Variants in UST observed in about 807,000 individuals in gnomAD.
The protein encoded by UST is uronyl 2-sulfotransferase, also known as chondroitin sulfate 2-O-sulfotransferase.
Under a neutral mutation model 45.6 loss-of-function variants are expected in UST, and 21 were observed. That is an observed-to-expected ratio of 0.46 (90% CI 0.33 to 0.66). The LOEUF is 0.66. Ranked by LOEUF, UST falls within the 30% of genes least tolerant of loss-of-function variation. The pLI is 0.02. For synonymous variants in UST, 215 were observed against 200.6 expected, an observed-to-expected ratio of 1.07 and a Z score of -0.61; for missense variants, 463 against 512.4, an observed-to-expected ratio of 0.90 and a Z score of 0.93.
intron 1 of UST, among the ~76,000 whole-genome samples, chr6:148,825,301 G>A (rs1432537310): frequency 3.3e-5 from 5 of 152,180 alleles, no homozygotes; most frequent in Non-Finnish European, 7.3e-5. Context: ...TGGGCAGGCT[G>A]TATTTAAATT....
chr6:149,004,563 C>T (rs1464361784), intron 5 of UST, among the ~76,000 whole-genome samples: 3 of 152,174 alleles, frequency 2.0e-5, no homozygotes, highest in Non-Finnish European at 2.9e-5. Flanking sequence ...CGCTAATAAC[C>T]GGACCTGGTG....
chr6:148,844,502 T>G (rs1280200255), intron 1 of UST, among the ~76,000 whole-genome samples: 3 of 152,194 alleles, frequency 2.0e-5, no homozygotes, highest in Non-Finnish European at 4.4e-5. Context: ...TAACCGTTGA[T>G]CCAGTCAAGA....
At chr6:148,815,194 G>A (rs894741215) in intron 1 of UST, among the ~76,000 whole-genome samples, 6 of 152,142 alleles carry the variant, frequency 3.9e-5, no homozygotes, top group Non-Finnish European at 7.3e-5. Context: ...TTAAAGAAAA[G>A]GAAAGAGGGA....
intron 7 of UST, among the ~76,000 whole-genome samples, chr6:149,069,041 G>A: frequency 6.6e-6 from 1 of 152,128 alleles, no homozygotes; most frequent in Non-Finnish European, 1.5e-5. Context: ...ATGACCTCCA[G>A]TTCCATCCAT....
chr6:148,941,022 TAATC>T lies in UST; in HGVS notation c.292-252_292-249del, dbSNP rs200555069. Among the ~76,000 whole-genome samples the T allele has an allele frequency of 1.5e-4, 23 of 152,344 alleles. No homozygotes were observed. The East Asian group carries it at 4.4e-3, about 29-fold the overall frequency. ...TTAAAAAGAAACAAAACAAGTTTGA[TAATC>T]AATCTTAGAGACTGCCTGAAATTTC... On this transcript the variant is annotated intron_variant, in intron 2 of 7. Transcript: ENST00000367463.
chr6:148,816,765 T>A (rs1777363529), intron 1 of UST, among the ~76,000 whole-genome samples: 1 of 152,034 alleles, frequency 6.6e-6, no homozygotes. Flanking sequence ...AACATTTATT[T>A]CCTTTTTTTG....
chr6:148,812,672 A>G (rs1323665035), intron 1 of UST, among the ~76,000 whole-genome samples: 3 of 152,236 alleles, frequency 2.0e-5, no homozygotes, highest in Admixed American at 6.5e-5. Context: ...ATGACATGGT[A>G]GCTGACTTCC....
chr6:148,948,784 A>C (rs1780297110), intron 3 of UST, among the ~76,000 whole-genome samples: 1 of 152,138 alleles, frequency 6.6e-6, no homozygotes, highest in Non-Finnish European at 1.5e-5. Flanking sequence ...TTTTGTGCTA[A>C]CCAATCTGTT....
chr6:148,777,967 C>G (rs2114684174), intron 1 of UST, among the ~76,000 whole-genome samples: 1 of 152,298 alleles, frequency 6.6e-6, no homozygotes, highest in South Asian at 2.1e-4. Context: ...GCTATACCAT[C>G]TAGCCTAGGT....
chr6:149,016,089 A>G (rs1175827043), intron 5 of UST, among the ~76,000 whole-genome samples: 3 of 152,188 alleles, frequency 2.0e-5, no homozygotes, highest in Non-Finnish European at 4.4e-5. Flanking sequence ...CTTCCGGTCC[A>G]GTCATCTTTA....
At chr6:149,060,134 A>C (rs969170766) in intron 7 of UST, among the ~76,000 whole-genome samples, 3 of 152,158 alleles carry the variant, frequency 2.0e-5, no homozygotes, top group African/African-American at 7.2e-5. Flanking sequence ...TAAATCATGA[A>C]CTTTTACTTG....
chr6:149,011,115 G>A (rs766794619), intron 5 of UST, among the ~76,000 whole-genome samples: 12 of 152,072 alleles, frequency 7.9e-5, no homozygotes, highest in Non-Finnish European at 1.5e-4. Context: ...TAGATATGCC[G>A]CCATAAAAAT....
chr6:148,801,218 A>G (rs1322663660), intron 1 of UST, among the ~76,000 whole-genome samples: 1 of 152,050 alleles, frequency 6.6e-6, no homozygotes, highest in South Asian at 2.1e-4. Context: ...CCCCAGAGGT[A>G]TTTTATAGCT....
intron 1 of UST, among the ~76,000 whole-genome samples, chr6:148,753,019 A>G (rs980331535): frequency 6.6e-6 from 1 of 152,234 alleles, no homozygotes; most frequent in African/African-American, 2.4e-5. Flanking sequence ...ATAGGGACAG[A>G]AACACTAACA....
At chr6:148,781,943 C>T (rs1776651182) in intron 1 of UST, among the ~76,000 whole-genome samples, 2 of 152,180 alleles carry the variant, frequency 1.3e-5, no homozygotes, top group African/African-American at 4.8e-5. Flanking sequence ...TGCTCATTGA[C>T]AATGTACCTA....
intron 2 of UST, among the ~76,000 whole-genome samples, chr6:148,917,185 C>A (rs1779607628): frequency 6.6e-6 from 1 of 152,200 alleles, no homozygotes; most frequent in African/African-American, 2.4e-5. Context: ...ACCCCCCCAC[C>A]CTCCTTTCTT....
rs1781131833 is a variant in UST, at chr6:148,981,426, C to T, written c.681+16863C>T. ...AACTGCTTCTTTTTGTCCTATGTGA[C>T]ACTGTCATTGATTCCTTAGTCCTTC... On this transcript the variant is annotated intron_variant, in intron 5 of 7. Transcript: ENST00000367463. Among the ~76,000 whole-genome samples the T allele has an allele frequency of 2.0e-5, 3 of 152,346 alleles. No individual in the cohort carries two copies. In the South Asian group the frequency reaches 6.2e-4, roughly 32 times the overall value.
chr6:148,842,864 T>C (rs995016433), intron 1 of UST, among the ~76,000 whole-genome samples: 2 of 152,186 alleles, frequency 1.3e-5, no homozygotes, highest in African/African-American at 4.8e-5. Context: ...TTAGTGGGTT[T>C]ACAAACCACT....
chr6:148,761,983 G>A (rs1776232446), intron 1 of UST, among the ~76,000 whole-genome samples: 1 of 152,214 alleles, frequency 6.6e-6, no homozygotes, highest in South Asian at 2.1e-4. Context: ...AAATGGCGCA[G>A]TGTCTTTATT....
Sources: gnomAD v4.1 joint callset for allele counts (sites outside exome capture counted in the v4.1 genomes callset) on GRCh38, gnomAD v4.1.1 for gene constraint, MANE v1.5 for transcripts, NCBI Gene and HGNC (gene_info 2026-07-23, HGNC 2026-07-21) for gene names.